SUMF1: variants seen among roughly 807,000 people sequenced by gnomAD.
SUMF1 encodes formylglycine-generating enzyme.
Under a neutral mutation model 47.6 loss-of-function variants are expected in SUMF1, and 48 were observed. That is an observed-to-expected ratio of 1.01 (90% CI 0.80 to 1.28). The LOEUF is 1.28. Ranked by LOEUF, SUMF1 falls within the 50% of genes most tolerant of loss-of-function variation. SUMF1 has a pLI of 0.00. For synonymous variants in SUMF1, 230 were observed against 192.1 expected (o/e 1.20, Z -1.63); for missense variants, 571 against 485.4 (o/e 1.18, Z -1.66).
At chr3:4,065,402 C>G (rs1490270273) in intron 9 of SUMF1, among the ~76,000 whole-genome samples, 2 of 152,124 alleles carry the variant, frequency 1.3e-5, no homozygotes, top group African/African-American at 4.8e-5. Flanking sequence ...GCATGTAAAT[C>G]TGCAGTTCAA....
At chr3:4,043,118 A>C (rs1316233600) in intron 9 of SUMF1, among the ~76,000 whole-genome samples, 1 of 151,972 alleles carries the variant, frequency 6.6e-6, no homozygotes, top group Admixed American at 6.6e-5. Context: ...CAATGACTGG[A>C]TCCCTCTACA....
At chr3:4,230,826 A>G (rs73806961) in intron 8 of SUMF1, among the ~76,000 whole-genome samples, 4,278 of 152,126 alleles carry the variant, frequency 0.028, 185 homozygotes, top group African/African-American at 0.094. Context: ...AGACACTCCT[A>G]TCACTCCGGA....
At chr3:4,109,005 G>A (rs550765869) in intron 8 of SUMF1, among the ~76,000 whole-genome samples, 8 of 152,234 alleles carry the variant, frequency 5.3e-5, no homozygotes, top group Non-Finnish European at 1.2e-4. Flanking sequence ...AGTTGATGCA[G>A]TTTCTTCCTA....
chr3:4,307,184 G>C lies in SUMF1; in HGVS notation c.1014+69146C>G, dbSNP rs368300403. On this transcript the variant is annotated intron_variant and NMD_transcript_variant, in intron 8 of 12. Transcript: ENST00000448413. ...TTCAGAGGCCCAGGTTTTAAGCCTA[G>C]AATGTTACAGTATCATACTTCAGTT... 1.4e-4 allele frequency among the ~76,000 whole-genome samples: 21 copies of C among 152,326 alleles called. 1 individual carries two copies. Among genetic ancestry groups the C allele is most frequent in the African/African-American group, 5.1e-4 (21 of 41,582 alleles).
chr3:4,343,023 G>T (rs1307185861), intron 8 of SUMF1, among the ~76,000 whole-genome samples: 2 of 152,218 alleles, frequency 1.3e-5, no homozygotes, highest in African/African-American at 4.8e-5. Flanking sequence ...ATAATCTCCA[G>T]TCTCAGTTTA....
chr3:4,052,391 G>A (rs942340515), intron 9 of SUMF1, among the ~76,000 whole-genome samples: 2 of 152,160 alleles, frequency 1.3e-5, no homozygotes, highest in African/African-American at 4.8e-5. Context: ...AAGTTTATAT[G>A]TATTTATCTG....
At chr3:4,092,804 A>ATTCAT (rs1692817180) in intron 8 of SUMF1, among the ~76,000 whole-genome samples, 1 of 152,158 alleles carries the variant, frequency 6.6e-6, no homozygotes, top group Non-Finnish European at 1.5e-5. Flanking sequence ...CATGTGAAAC[A>ATTCAT]TTCATGCTAA....
chr3:4,382,266 T>C (rs567581766), intron 7 of SUMF1, among the ~76,000 whole-genome samples: 5 of 152,162 alleles, frequency 3.3e-5, no homozygotes, highest in South Asian at 2.1e-4. Flanking sequence ...CCTCCTGATA[T>C]GATATAAAGA....
intron 8 of SUMF1, among the ~76,000 whole-genome samples, chr3:4,281,093 A>T (rs1575049359): frequency 6.6e-6 from 1 of 152,134 alleles, no homozygotes; most frequent in East Asian, 1.9e-4. Context: ...ATGGAAAAGC[A>T]GGGACTGGGA....
chr3:4,314,631 A>C (rs1427279494), intron 8 of SUMF1, among the ~76,000 whole-genome samples: 2 of 152,192 alleles, frequency 1.3e-5, no homozygotes, highest in Admixed American at 1.3e-4. Context: ...TCAAAACTTC[A>C]AACAGCCTCA....
chr3:4,078,430 T>C (rs945981589), intron 8 of SUMF1, among the ~76,000 whole-genome samples: 1 of 152,128 alleles, frequency 6.6e-6, no homozygotes, highest in Non-Finnish European at 1.5e-5. Context: ...ACTTTGATCA[T>C]GTGTTTCATT....
intron 8 of SUMF1, among the ~76,000 whole-genome samples, chr3:4,129,230 A>C (rs547739310): frequency 6.6e-6 from 1 of 152,244 alleles, no homozygotes; most frequent in East Asian, 1.9e-4. Context: ...CAATGGGAAG[A>C]ATTGGATCCC....
chr3:4,153,800 G>T (rs868132957), intron 8 of SUMF1, among the ~76,000 whole-genome samples: 1 of 151,208 alleles, frequency 6.6e-6, no homozygotes, highest in South Asian at 2.1e-4. Context: ...AATTATTGTT[G>T]CCTACAATTG....
intron 8 of SUMF1, among the ~76,000 whole-genome samples, chr3:4,352,305 C>T (rs928291199): frequency 2.6e-5 from 4 of 152,078 alleles, no homozygotes; most frequent in Non-Finnish European, 4.4e-5. Flanking sequence ...AGTTCCCCCC[C>T]AAAAACTACT....
chr3:4,342,704 G>A (rs774458324), intron 8 of SUMF1, among the ~76,000 whole-genome samples: 5 of 152,088 alleles, frequency 3.3e-5, no homozygotes, highest in Non-Finnish European at 7.4e-5. Flanking sequence ...TATGTCAAGG[G>A]AGCATTTTTT....
intron 9 of SUMF1, among the ~76,000 whole-genome samples, chr3:4,045,023 T>G (rs1325001717): frequency 1.3e-5 from 2 of 152,218 alleles, no homozygotes; most frequent in East Asian, 3.8e-4. Context: ...AAATGGGCTG[T>G]GATGATTAGT....
chr3:4,228,385 G>C (rs1317603848), intron 8 of SUMF1, among the ~76,000 whole-genome samples: 3 of 151,764 alleles, frequency 2.0e-5, no homozygotes, highest in Non-Finnish European at 4.4e-5. Context: ...CCTCATCCTA[G>C]ATTAGAAAAA....
intron 8 of SUMF1, among the ~76,000 whole-genome samples, chr3:4,258,168 A>C (rs1455501503): frequency 1.3e-5 from 2 of 149,734 alleles, no homozygotes; most frequent in African/African-American, 5.1e-5. Context: ...CCTAGAAGAA[A>C]ACCTAGGCAT....
chr3:4,041,806 G>C (rs1694911649), intron 9 of SUMF1, among the ~76,000 whole-genome samples: 1 of 152,164 alleles, frequency 6.6e-6, no homozygotes, highest in South Asian at 2.1e-4. Context: ...TTTTCACAGA[G>C]AGAAACAGAA....
Sources: allele counts gnomAD v4.1 joint callset (sites outside exome capture counted in the v4.1 genomes callset), GRCh38; gene constraint gnomAD v4.1.1; transcripts MANE v1.5; gene names NCBI Gene and HGNC (gene_info 2026-07-23, HGNC 2026-07-21).